RNGTT: variants seen among roughly 807,000 people sequenced by gnomAD.
RNGTT encodes the protein RNA guanylyltransferase and 5'-phosphatase.
RNGTT carries 33 observed loss-of-function variants against 79.3 expected under a neutral mutation model. The observed-to-expected ratio is 0.42, with a 90% CI of 0.32 to 0.56. The LOEUF is 0.56. Ranked by LOEUF, RNGTT falls within the 20% of genes least tolerant of loss-of-function variation. The pLI is 0.17. For missense variants in RNGTT, 497 were observed against 739.1 expected, an observed-to-expected ratio of 0.67 and a Z score of 3.80; for synonymous variants, 222 against 235.9, an observed-to-expected ratio of 0.94 and a Z score of 0.54.
chr6:88,706,232 C>T (rs1469829688), intron 13 of RNGTT, among the ~76,000 whole-genome samples: 1 of 151,648 alleles, frequency 6.6e-6, no homozygotes, highest in Non-Finnish European at 1.5e-5. Context: ...CATTGAAGTG[C>T]TTTTTTTTGG....
intron 4 of RNGTT, among the ~76,000 whole-genome samples, chr6:88,926,381 T>A (rs1365187106): frequency 6.6e-6 from 1 of 152,222 alleles, no homozygotes; most frequent in African/African-American, 2.4e-5. Context: ...AAACTATTTT[T>A]TTCTGTGCTC....
At chr6:88,891,942 G>A (rs945764482) in intron 6 of RNGTT, 27 bp from the exon 7 acceptor site, 5 of 1,411,762 alleles carry the variant, frequency 3.5e-6, no homozygotes, top group Non-Finnish European at 3.8e-6. Context: ...AGAAAAATAA[G>A]GGAAAGAAAA....
rs192272182 is a variant in RNGTT at position 88,787,590 on chromosome 6, C to G, written c.1338+13974G>C. On this transcript the variant is annotated intron_variant, in intron 12 of 15. Coordinates refer to ENST00000369485, the MANE Select transcript of RNGTT (RefSeq NM_003800.5). ...TGGAGAATTGCTTGAACCCAGGAGG[C>G]TGAGGTTGCAGTGAGCCCAGATCGC... Among the ~76,000 whole-genome samples the G allele has an allele frequency of 4.1e-4, 63 of 152,032 alleles. No homozygotes were observed. In the East Asian group the frequency reaches 0.012, roughly 29 times the overall value.
intron 12 of RNGTT, among the ~76,000 whole-genome samples, chr6:88,781,685 T>A (rs1051971011): frequency 1.3e-5 from 2 of 152,190 alleles, no homozygotes; most frequent in African/African-American, 4.8e-5. Context: ...TGCCAGGCAC[T>A]GGCTTATTCA....
At chr6:88,652,406 T>G (rs1773830924) in intron 14 of RNGTT, among the ~76,000 whole-genome samples, 1 of 152,156 alleles carries the variant, frequency 6.6e-6, no homozygotes, top group South Asian at 2.1e-4. Context: ...AGACAAATAT[T>G]TAGTTCACAA....
chr6:88,704,271 A>ACAAAAC (rs1562206022), intron 13 of RNGTT, among the ~76,000 whole-genome samples: 10 of 147,326 alleles, frequency 6.8e-5, no homozygotes, highest in African/African-American at 2.6e-4. Context: ...AAAAAAAAAA[A>ACAAAAC]AAAAAAAAAA....
intron 8 of RNGTT, among the ~76,000 whole-genome samples, chr6:88,859,578 G>C (rs1285589030): frequency 6.6e-6 from 1 of 152,176 alleles, no homozygotes; most frequent in Non-Finnish European, 1.5e-5. Context: ...CTATGAACAG[G>C]TGTCCAATAG....
At chr6:88,909,953 G>A (rs1464703518) in intron 4 of RNGTT, among the ~76,000 whole-genome samples, 2 of 150,464 alleles carry the variant, frequency 1.3e-5, no homozygotes, top group African/African-American at 4.9e-5. Context: ...AAACTCTCAA[G>A]GGAAAAAAGA....
chr6:88,841,094 G>A (rs1781271504), intron 11 of RNGTT, among the ~76,000 whole-genome samples: 1 of 152,140 alleles, frequency 6.6e-6, no homozygotes. Flanking sequence ...TTCCACCGTG[G>A]ACAGAGCAGA....
intron 6 of RNGTT, among the ~76,000 whole-genome samples, chr6:88,898,026 T>A (rs1047946836): frequency 6.6e-6 from 1 of 152,154 alleles, no homozygotes; most frequent in Non-Finnish European, 1.5e-5. Flanking sequence ...TGTCTTTGTC[T>A]CTTATGATTG....
chr6:88,668,037 A>G (rs1202815066), intron 14 of RNGTT, among the ~76,000 whole-genome samples: 3 of 152,192 alleles, frequency 2.0e-5, no homozygotes, highest in Non-Finnish European at 4.4e-5. Context: ...ATTGAGCTGC[A>G]ATGACAGCTA....
chr6:88,799,367 T>C (rs990832484), intron 12 of RNGTT, among the ~76,000 whole-genome samples: 14 of 152,096 alleles, frequency 9.2e-5, no homozygotes, highest in Non-Finnish European at 1.5e-4. Flanking sequence ...GAGACTTGAC[T>C]TAATACCAGA....
intron 8 of RNGTT, among the ~76,000 whole-genome samples, chr6:88,883,877 A>G (rs1782773491): frequency 6.6e-6 from 1 of 152,254 alleles, no homozygotes; most frequent in African/African-American, 2.4e-5. Context: ...CAGATAATTC[A>G]CAAAAAAGAT....
intron 13 of RNGTT, among the ~76,000 whole-genome samples, chr6:88,701,100 GGAA>G (rs751602054): frequency 1.3e-4 from 20 of 151,130 alleles, no homozygotes; most frequent in Admixed American, 4.6e-4. Flanking sequence ...AGGAAGAAGT[GGAA>G]GAAGAAGAAG....
rs549228548 is a variant in RNGTT at position 88,659,376 on chromosome 6, A to G, written c.1506+18977T>C. 8.5e-5 allele frequency among the ~76,000 whole-genome samples: 13 copies of G among 152,356 alleles called. No individual in the cohort carries two copies. The East Asian group carries it at 2.5e-3, about 29-fold the overall frequency. On this transcript the variant is annotated intron_variant, in intron 14 of 15. Coordinates refer to ENST00000369485, the MANE Select transcript of RNGTT (RefSeq NM_003800.5). ...GAGGTACCAGAGAAAGGTAAAAATC[A>G]ACTTAAAGAAATTTTTTAAAAATAC... is the stretch of plus-strand genomic sequence containing the variant.
intron 13 of RNGTT, among the ~76,000 whole-genome samples, chr6:88,707,140 G>A (rs1255161643): frequency 6.6e-6 from 1 of 152,044 alleles, no homozygotes; most frequent in African/African-American, 2.4e-5. Flanking sequence ...ACATTTTATT[G>A]TATCAGTCAA....
At chr6:88,839,757 T>TAA (rs1326109807) in intron 11 of RNGTT, among the ~76,000 whole-genome samples, 2 of 152,184 alleles carry the variant, frequency 1.3e-5, no homozygotes, top group African/African-American at 2.4e-5. Flanking sequence ...GTTTTGTTAG[T>TAA]CATATATAGT....
chr6:88,703,988 G>A (rs979683563), intron 13 of RNGTT, among the ~76,000 whole-genome samples: 5 of 152,010 alleles, frequency 3.3e-5, no homozygotes, highest in African/African-American at 9.7e-5. Flanking sequence ...GGCCGGGTGC[G>A]GTGGCTCACG....
chr6:88,709,073 G>T (rs925441979), intron 13 of RNGTT, among the ~76,000 whole-genome samples: 5 of 152,146 alleles, frequency 3.3e-5, no homozygotes, highest in African/African-American at 9.7e-5. Context: ...ACTTTGGGAG[G>T]CTGAGGCGGA....
Sources: allele counts gnomAD v4.1 joint callset (sites outside exome capture counted in the v4.1 genomes callset), GRCh38; gene constraint gnomAD v4.1.1; transcripts MANE v1.5; gene names NCBI Gene and HGNC (gene_info 2026-07-23, HGNC 2026-07-21).